The following LHCGR variants were observed in gnomAD, a reference collection of about 807,000 sequenced individuals.
The protein encoded by LHCGR is luteinizing hormone/choriogonadotropin receptor, also known as lutropin-choriogonadotropic hormone receptor.
LHCGR carries 55 observed loss-of-function variants against 60.7 expected under a neutral mutation model. The observed-to-expected ratio is 0.91, with a 90% CI of 0.73 to 1.13. The LOEUF (loss-of-function observed/expected upper bound fraction) is 1.13, where lower values mean the gene tolerates loss of function less well. Among genes scored for constraint, LHCGR ranks in the 50% most tolerant of loss-of-function variants. LHCGR has a pLI of 0.00. For missense variants in LHCGR, 862 were observed against 836.0 expected, an observed-to-expected ratio of 1.03 and a Z score of -0.38; for synonymous variants, 337 against 316.5, an observed-to-expected ratio of 1.06 and a Z score of -0.69.
intron 1 of LHCGR, among the ~76,000 whole-genome samples, chr2:48,745,445 C>T (rs1375049470): frequency 6.6e-6 from 1 of 152,088 alleles, no homozygotes; most frequent in Admixed American, 6.6e-5. Context: ...TGGAACCAAG[C>T]CAAATGTCCA....
intron 7 of LHCGR, among the ~76,000 whole-genome samples, chr2:48,713,535 C>G (rs1668096190): frequency 6.6e-6 from 1 of 152,162 alleles, no homozygotes; most frequent in African/African-American, 2.4e-5. Flanking sequence ...GGAAAATGAG[C>G]TTCCTCCCAC....
At chr2:48,714,403 G>T (rs1668140642) in intron 6 of LHCGR, among the ~76,000 whole-genome samples, 1 of 152,036 alleles carries the variant, frequency 6.6e-6, no homozygotes, top group Non-Finnish European at 1.5e-5. Flanking sequence ...CTTTCCTCTG[G>T]TTTTGCAGGC....
chr2:48,738,262 C>T (rs563579034), intron 1 of LHCGR, among the ~76,000 whole-genome samples: 3 of 152,246 alleles, frequency 2.0e-5, no homozygotes, highest in African/African-American at 7.2e-5. Context: ...GAGAATTTAC[C>T]AGATGCCATG....
At chr2:48,711,991 C>G (rs1324672363) in intron 7 of LHCGR, among the ~76,000 whole-genome samples, 2 of 152,098 alleles carry the variant, frequency 1.3e-5, no homozygotes, top group Non-Finnish European at 2.9e-5. Context: ...TTGTCCCTAA[C>G]TCGTATCTAG....
intron 3 of LHCGR, 48 bp from the exon 4 acceptor site, chr2:48,725,798 T>C (rs1668693447): frequency 7.1e-7 from 1 of 1,404,594 alleles, no homozygotes; most frequent in South Asian, 1.1e-5. Context: ...TAGATGTGTA[T>C]TGTTTGAAAT....
chr2:48,737,403 T>C (rs887363851), intron 1 of LHCGR, among the ~76,000 whole-genome samples: 1 of 152,238 alleles, frequency 6.6e-6, no homozygotes, highest in Non-Finnish European at 1.5e-5. Context: ...ATTATTTAAA[T>C]TCAAAAGAAT....
chr2:48,718,071 A>G (rs924161121), intron 6 of LHCGR, among the ~76,000 whole-genome samples: 1 of 152,076 alleles, frequency 6.6e-6, no homozygotes, highest in African/African-American at 2.4e-5. Flanking sequence ...CCTTAAAAAA[A>G]CATCTGGAGA....
At chr2:48,734,419 G>T (rs1427893991) in intron 1 of LHCGR, among the ~76,000 whole-genome samples, 1 of 152,064 alleles carries the variant, frequency 6.6e-6, no homozygotes, top group Non-Finnish European at 1.5e-5. Context: ...AAACAGAGAG[G>T]GACTTTGAAT....
rs775942559 is a variant in LHCGR at position 48,725,661 on chromosome 2, AG to A, written c.383+14del. The A allele has an allele frequency of 6.3e-7, 1 of 1,597,640 alleles. No homozygotes were observed. The highest frequency in any genetic ancestry group is 2.2e-5 in the East Asian group (1 of 44,800). On this transcript the variant is annotated intron_variant, in intron 4 of 10. Transcript: ENST00000294954. ...TCTTCCCCTCCCCAATTGCTTAAAA[AG>A]GAAAATTTCTCACAAGTATTTTAAT...
chr2:48,754,593 C>A (rs1670120880), intron 1 of LHCGR, among the ~76,000 whole-genome samples: 1 of 151,932 alleles, frequency 6.6e-6, no homozygotes, highest in African/African-American at 2.4e-5. Context: ...AAAAATTTCA[C>A]CACCCCCCCG....
At chr2:48,753,664 C>G (rs1029911873) in intron 1 of LHCGR, among the ~76,000 whole-genome samples, 1 of 152,046 alleles carries the variant, frequency 6.6e-6, no homozygotes, top group Non-Finnish European at 1.5e-5. Flanking sequence ...GAAGGGGGTC[C>G]CCTCCTGAGA....
At chr2:48,750,319 T>C (rs1669905805) in intron 1 of LHCGR, among the ~76,000 whole-genome samples, 1 of 152,204 alleles carries the variant, frequency 6.6e-6, no homozygotes, top group African/African-American at 2.4e-5. Flanking sequence ...TCAGTTTGTT[T>C]TTATTAAGGA....
intron 6 of LHCGR, among the ~76,000 whole-genome samples, chr2:48,719,585 T>C (rs12996684): frequency 0.37 from 55,569 of 152,090 alleles, 11,325 homozygotes; most frequent in Non-Finnish European, 0.47. Context: ...AGGAGGGGCA[T>C]TTCAAGGTGG....
intron 1 of LHCGR, among the ~76,000 whole-genome samples, chr2:48,740,309 G>A (rs1357866681): frequency 6.6e-6 from 1 of 152,228 alleles, no homozygotes; most frequent in Non-Finnish European, 1.5e-5. Flanking sequence ...AAACAAAGCA[G>A]CCAGGAAGCT....
chr2:48,698,448 C>T (rs144729583), intron 9 of LHCGR, among the ~76,000 whole-genome samples, 167 bp downstream of exon 9: 1 of 152,208 alleles, frequency 6.6e-6, no homozygotes, highest in Non-Finnish European at 1.5e-5. Context: ...CACAAGGAAA[C>T]AGAACAGTTT....
chr2:48,742,616 C>G (rs1669511103), intron 1 of LHCGR, among the ~76,000 whole-genome samples: 1 of 151,176 alleles, frequency 6.6e-6, no homozygotes, highest in Non-Finnish European at 1.5e-5. Flanking sequence ...AAAATGAAGG[C>G]AGAAATAAAG....
chr2:48,711,281 C>A (rs992269948), intron 7 of LHCGR, among the ~76,000 whole-genome samples: 3 of 152,038 alleles, frequency 2.0e-5, no homozygotes, highest in African/African-American at 4.8e-5. Context: ...ATATATTACC[C>A]TTGTAATAAT....
At chr2:48,713,692 T>C (rs1290581968) in intron 7 of LHCGR, among the ~76,000 whole-genome samples, 1 of 152,110 alleles carries the variant, frequency 6.6e-6, no homozygotes, top group Non-Finnish European at 1.5e-5. Flanking sequence ...ACCATCAACC[T>C]GAGTGAGGGG....
intron 6 of LHCGR, among the ~76,000 whole-genome samples, chr2:48,717,383 T>C (rs1423707726): frequency 6.6e-6 from 1 of 152,172 alleles, no homozygotes; most frequent in Non-Finnish European, 1.5e-5. Flanking sequence ...CTGAATTACT[T>C]TGGGCAAGTT....
Sources: gnomAD v4.1 joint callset for allele counts (sites outside exome capture counted in the v4.1 genomes callset) on GRCh38, gnomAD v4.1.1 for gene constraint, MANE v1.5 for transcripts, NCBI Gene and HGNC (gene_info 2026-07-23, HGNC 2026-07-21) for gene names.